CCDC149: variants seen among roughly 807,000 people sequenced by gnomAD.
CCDC149 encodes coiled-coil domain containing 149.
CCDC149 carries 45 observed loss-of-function variants against 59.9 expected under a neutral mutation model. The ratio of observed to expected loss-of-function variants is 0.75; its 90% CI spans 0.59 to 0.96. CCDC149 has a LOEUF of 0.96. CCDC149 is among the 40% of genes least tolerant of loss of function. The pLI is 0.00. For synonymous variants in CCDC149, 245 were observed against 260.6 expected (o/e 0.94, Z 0.58); for missense variants, 584 against 664.7 (o/e 0.88, Z 1.33).
intron 3 of CCDC149, among the ~76,000 whole-genome samples, chr4:24,854,710 A>G (rs1276715500): frequency 1.3e-5 from 2 of 151,654 alleles, no homozygotes; most frequent in African/African-American, 4.8e-5. Context: ...ATGTTGGCTG[A>G]CCTCCCGTAT....
chr4:24,925,213 A>C (rs1577488152), intron 1 of CCDC149, among the ~76,000 whole-genome samples: 1 of 152,310 alleles, frequency 6.6e-6, no homozygotes, highest in East Asian at 1.9e-4. Context: ...GGAAAATGAA[A>C]GGCATTGGTG....
At chr4:24,957,076 T>G (rs894369414) in intron 1 of CCDC149, among the ~76,000 whole-genome samples, 1 of 152,208 alleles carries the variant, frequency 6.6e-6, no homozygotes, top group African/African-American at 2.4e-5. Flanking sequence ...AATAAAGCCA[T>G]GAAATCTATG....
intron 10 of CCDC149, among the ~76,000 whole-genome samples, chr4:24,822,151 T>C (rs1359537554): frequency 6.6e-6 from 1 of 152,134 alleles, no homozygotes; most frequent in African/African-American, 2.4e-5. Flanking sequence ...TGGATCTTTA[T>C]AGGATATCTA....
chr4:24,820,030 C>T (rs765534208), intron 11 of CCDC149, 55 bp from the exon 12 acceptor site: 4 of 1,299,460 alleles, frequency 3.1e-6, no homozygotes, highest in Non-Finnish European at 4.3e-6. Context: ...AGTTGGGTTG[C>T]ATTTAGTCCC....
intron 1 of CCDC149, among the ~76,000 whole-genome samples, chr4:24,923,690 G>A (rs992194657): frequency 2.6e-5 from 4 of 152,314 alleles, no homozygotes; most frequent in Admixed American, 1.3e-4. Context: ...AGTGACAAGA[G>A]ATCAGACTGG....
intron 8 of CCDC149, among the ~76,000 whole-genome samples, chr4:24,832,118 G>A (rs1245042605): frequency 3.3e-5 from 5 of 152,158 alleles, no homozygotes; most frequent in Non-Finnish European, 1.5e-5. Context: ...ACCCCTGGCA[G>A]GTGGTAAGAT....
chr4:24,903,800 CTTTT>C (rs11344947), intron 1 of CCDC149, among the ~76,000 whole-genome samples: 10 of 124,466 alleles, frequency 8.0e-5, no homozygotes, highest in South Asian at 2.6e-4. Context: ...TAATTTTTAG[CTTTT>C]TTTTTTTTTT....
intron 3 of CCDC149, among the ~76,000 whole-genome samples, chr4:24,869,381 G>T (rs1363357110): frequency 6.6e-6 from 1 of 152,212 alleles, no homozygotes; most frequent in Non-Finnish European, 1.5e-5. Context: ...CCTGGGCCCT[G>T]CTGTGGCTAT....
chr4:24,979,700 A>G (rs1283848083), intron 1 of CCDC149, among the ~76,000 whole-genome samples: 5 of 152,234 alleles, frequency 3.3e-5, no homozygotes, highest in East Asian at 3.8e-4. Context: ...CTGAAACCAG[A>G]GTGCAACGGA....
At chr4:24,811,726 A>G (rs1714617757) in intron 12 of CCDC149, among the ~76,000 whole-genome samples, 1 of 152,154 alleles carries the variant, frequency 6.6e-6, no homozygotes, top group South Asian at 2.1e-4. Context: ...TACAAAAATT[A>G]GCCAAGTGTG....
At chr4:24,850,446 C>T (rs372978862) in intron 4 of CCDC149, among the ~76,000 whole-genome samples, 2 of 33,166 alleles carry the variant, frequency 6.0e-5, no homozygotes, top group South Asian at 2.0e-3. Context: ...GGGAGAGGAG[C>T]AGAGCTTGCA....
At chr4:24,886,280 G>C (rs1441293115) in intron 1 of CCDC149, among the ~76,000 whole-genome samples, 1 of 152,206 alleles carries the variant, frequency 6.6e-6, no homozygotes. Flanking sequence ...GGGCAATGGA[G>C]ATAGGAACCA....
intron 12 of CCDC149, among the ~76,000 whole-genome samples, chr4:24,817,727 G>C (rs1385049992): frequency 6.6e-6 from 1 of 150,924 alleles, no homozygotes; most frequent in African/African-American, 2.4e-5. Context: ...GCCTAGCTTA[G>C]ATTAGCAGAA....
At chr4:24,932,710 T>C (rs1417430534) in intron 1 of CCDC149, among the ~76,000 whole-genome samples, 2 of 152,082 alleles carry the variant, frequency 1.3e-5, no homozygotes, top group East Asian at 1.9e-4. Context: ...AAAAATTAAA[T>C]TGCAACCCAG....
chr4:24,905,410 C>CAT (rs1553859377), intron 1 of CCDC149, among the ~76,000 whole-genome samples: 1 of 93,820 alleles, frequency 1.1e-5, no homozygotes, highest in East Asian at 3.6e-4. Context: ...TTTTTGCGTG[C>CAT]GTGCGTGTGT....
intron 9 of CCDC149, chr4:24,827,164 G>A (rs1330670503): frequency 6.6e-6 from 1 of 152,204 alleles, no homozygotes; most frequent in Non-Finnish European, 1.5e-5. Flanking sequence ...AACTCACACA[G>A]GAACTGCACT....
At chr4:24,895,155 T>C (rs1720769201) in intron 1 of CCDC149, 2 of 781,692 alleles carry the variant, frequency 2.6e-6, no homozygotes, top group Non-Finnish European at 4.3e-6. Flanking sequence ...CAGCATATGA[T>C]ACTGGAAGTC....
At position 24,819,271 on chromosome 4, in the gene CCDC149, A is replaced by G. The variant is rs116776721; in HGVS notation, c.1192+588T>C. Among the ~76,000 whole-genome samples, 624 of 152,352 alleles carry G rather than the reference A, an allele frequency of 4.1e-3. 6 individuals are homozygous for G. The highest frequency in any genetic ancestry group is 0.014 in the African/African-American group (582 of 41,586). On this transcript the variant is annotated intron_variant, in intron 12 of 12. Transcript: ENST00000635206. ...TCTCCAGCCCAAGTTCTCATAGCCA[A>G]TGTGATGTGGACCTGGCCACGAACC... is the stretch of plus-strand genomic sequence containing the variant.
intron 12 of CCDC149, among the ~76,000 whole-genome samples, chr4:24,818,947 A>C (rs879337120): frequency 3.9e-5 from 6 of 152,218 alleles, no homozygotes; most frequent in Non-Finnish European, 7.3e-5. Flanking sequence ...CTGCTACACT[A>C]GGGGTGGCAG....
Sources: gnomAD v4.1 joint callset for allele counts (sites outside exome capture counted in the v4.1 genomes callset) on GRCh38, gnomAD v4.1.1 for gene constraint, MANE v1.5 for transcripts, NCBI Gene and HGNC (gene_info 2026-07-23, HGNC 2026-07-21) for gene names.